The following ADGRL3 variants were observed in gnomAD, a reference collection of about 807,000 sequenced individuals.
ADGRL3 encodes the protein adhesion G protein-coupled receptor L3.
ADGRL3 carries 62 observed loss-of-function variants against 153.5 expected under a neutral mutation model. That is an observed-to-expected ratio of 0.40 (90% confidence interval 0.33 to 0.50). The LOEUF (loss-of-function observed/expected upper bound fraction) is 0.50, where lower values mean the gene tolerates loss of function less well. Among genes scored for constraint, ADGRL3 ranks in the 20% least tolerant of loss-of-function variants. The probability of loss-of-function intolerance (pLI) is 0.47; values close to 1 mark genes in which losing one functional copy is unlikely to be tolerated. For synonymous variants in ADGRL3, 710 were observed against 672.5 expected, an observed-to-expected ratio of 1.06 and a Z score of -0.86; for missense variants, 1,641 against 1,859.4, an observed-to-expected ratio of 0.88 and a Z score of 2.16.
At chr4:61,744,249 C>A (rs2096622901) in intron 8 of ADGRL3, among the ~76,000 whole-genome samples, 1 of 152,190 alleles carries the variant, frequency 6.6e-6, no homozygotes, top group Non-Finnish European at 1.5e-5. Context: ...CTCAAGGAGG[C>A]CTGCCTGCCT....
chr4:61,660,535 T>A (rs995437165), intron 5 of ADGRL3, among the ~76,000 whole-genome samples: 2 of 152,132 alleles, frequency 1.3e-5, no homozygotes, highest in Non-Finnish European at 2.9e-5. Context: ...AAAAATATTG[T>A]TTATGTGGAG....
intron 4 of ADGRL3, among the ~76,000 whole-genome samples, chr4:61,562,477 T>C (rs954962840): frequency 6.6e-6 from 1 of 152,210 alleles, no homozygotes; most frequent in African/African-American, 2.4e-5. Context: ...CCTCTAAAAC[T>C]CTGCTGCTAC....
At chr4:61,238,557 C>A (rs1441842243) in intron 1 of ADGRL3, among the ~76,000 whole-genome samples, 1 of 151,376 alleles carries the variant, frequency 6.6e-6, no homozygotes, top group Non-Finnish European at 1.5e-5. Flanking sequence ...CACTGTATAT[C>A]CAAAGTTATT....
chr4:61,840,918 G>A (rs2098020905), intron 9 of ADGRL3, among the ~76,000 whole-genome samples: 1 of 152,092 alleles, frequency 6.6e-6, no homozygotes, highest in African/African-American at 2.4e-5. Context: ...TTTTAGAATT[G>A]CTTTCTTCCT....
chr4:61,456,417 A>C lies in ADGRL3; in HGVS notation c.-173-40704A>C, dbSNP rs1477542432. ...TATATCTATATCTATATATATATAG[A>C]TATATCTATATCTATATATATAGAT... On this transcript the variant is annotated intron_variant, in intron 2 of 26. Coordinates refer to ENST00000683033, the MANE Select transcript of ADGRL3 (RefSeq NM_001387552.1). Among the ~76,000 whole-genome samples, 14 of 58,964 alleles carry C rather than the reference A, an allele frequency of 2.4e-4. 1 individual carries two copies. Among genetic ancestry groups the C allele is most frequent in the East Asian group, 7.6e-4 (1 of 1,308 alleles). The allele number at this position is 58,964 out of a possible 152,430, so 38.7% of individuals were successfully genotyped here.
intron 4 of ADGRL3, among the ~76,000 whole-genome samples, chr4:61,528,752 TG>T (rs2098593585): frequency 6.6e-6 from 1 of 152,164 alleles, no homozygotes; most frequent in African/African-American, 2.4e-5. Context: ...TCCTTAATTT[TG>T]TTTTATGCCA....
At chr4:61,417,494 C>T (rs1230068364) in intron 2 of ADGRL3, among the ~76,000 whole-genome samples, 1 of 147,560 alleles carries the variant, frequency 6.8e-6, no homozygotes, top group Non-Finnish European at 1.5e-5. Context: ...TCTCAAAAAA[C>T]AAAAACGAAA....
intron 19 of ADGRL3, among the ~76,000 whole-genome samples, chr4:61,983,931 T>C (rs980084651): frequency 6.6e-6 from 1 of 152,152 alleles, no homozygotes; most frequent in African/African-American, 2.4e-5. Context: ...TTTGCTAGCA[T>C]AGGATGGTGC....
chr4:61,810,107 C>A (rs1194642654), intron 8 of ADGRL3, among the ~76,000 whole-genome samples: 3 of 152,006 alleles, frequency 2.0e-5, no homozygotes, highest in African/African-American at 4.8e-5. Context: ...AGTTTGTAAA[C>A]CTAGCGTTAT....
intron 6 of ADGRL3, among the ~76,000 whole-genome samples, chr4:61,708,160 A>G (rs2095888047): frequency 6.6e-6 from 1 of 152,082 alleles, no homozygotes; most frequent in Non-Finnish European, 1.5e-5. Context: ...ATGTTTATTC[A>G]TGAAAAGTAT....
intron 2 of ADGRL3, among the ~76,000 whole-genome samples, chr4:61,399,446 A>G (rs1429429180): frequency 6.6e-6 from 1 of 151,734 alleles, no homozygotes; most frequent in East Asian, 1.9e-4. Flanking sequence ...ATATAACAAA[A>G]TTATTAAAAC....
At position 61,733,511 on chromosome 4, in the gene ADGRL3, C is replaced by T. The variant is rs755242908; in HGVS notation, c.1356C>T (p.Val452=). ...NLLYVWNNYH[V]VKYSLDFGPL... ...TTTATGTATGGAATAACTATCACGT[C>T]GTGAAATATTCTTTGGATTTTGGAC... Residue 452 remains valine (V), a synonymous_variant, in exon 8 of 27, where the codon GTC becomes GTT. Coordinates refer to ENST00000683033, the MANE Select transcript of ADGRL3 (RefSeq NM_001387552.1). 1.1e-5 allele frequency: 18 copies of T among 1,613,406 alleles called. No individual in the cohort carries two copies. The highest frequency in any genetic ancestry group is 1.7e-4 in the Middle Eastern group (1 of 6,060).
intron 5 of ADGRL3, among the ~76,000 whole-genome samples, chr4:61,601,732 G>A (rs144153663): frequency 5.9e-5 from 9 of 152,224 alleles, no homozygotes; most frequent in African/African-American, 2.2e-4. Flanking sequence ...ATTCAGCTGT[G>A]GCCGTTCTGC....
At chr4:61,987,129 ATTTTAT>A (rs2099088390) in intron 19 of ADGRL3, among the ~76,000 whole-genome samples, 1 of 146,558 alleles carries the variant, frequency 6.8e-6, no homozygotes, top group South Asian at 2.1e-4. Context: ...ATTTTATTTT[ATTTTAT>A]TTTATTTTAT....
At chr4:61,403,909 A>G (rs1300344054) in intron 2 of ADGRL3, among the ~76,000 whole-genome samples, 1 of 152,072 alleles carries the variant, frequency 6.6e-6, no homozygotes, top group East Asian at 1.9e-4. Context: ...TGAGAATAAT[A>G]GTAGTATAGT....
chr4:61,627,673 C>T (rs1469146139), intron 5 of ADGRL3, among the ~76,000 whole-genome samples: 3 of 151,764 alleles, frequency 2.0e-5, no homozygotes, highest in Non-Finnish European at 4.4e-5. Context: ...GTAAATAGTG[C>T]CTTTCAGTAT....
chr4:61,909,945 A>G (rs1235756307), intron 12 of ADGRL3, among the ~76,000 whole-genome samples, 200 bp downstream of exon 12: 3 of 152,150 alleles, frequency 2.0e-5, no homozygotes, highest in Non-Finnish European at 4.4e-5. Context: ...TAATCTAAAG[A>G]AATGATAAAT....
At chr4:61,681,064 A>T (rs767576763) in intron 6 of ADGRL3, among the ~76,000 whole-genome samples, 1 of 151,946 alleles carries the variant, frequency 6.6e-6, no homozygotes, top group African/African-American at 2.4e-5. Context: ...AAGAGGTTAA[A>T]CCTCACATTT....
chr4:62,057,019 C>T (rs1257961018), intron 25 of ADGRL3, among the ~76,000 whole-genome samples: 3 of 151,844 alleles, frequency 2.0e-5, no homozygotes, highest in Non-Finnish European at 2.9e-5. Context: ...AATGTAAGTG[C>T]ATTAAAAAAA....
Sources: gnomAD v4.1 joint callset for allele counts (sites outside exome capture counted in the v4.1 genomes callset) on GRCh38, gnomAD v4.1.1 for gene constraint, MANE v1.5 for transcripts, NCBI Gene and HGNC (gene_info 2026-07-23, HGNC 2026-07-21) for gene names.